TJP2: variants seen among roughly 807,000 people sequenced by gnomAD.
TJP2 encodes the protein Friedreich ataxia region gene X104 (tight junction protein ZO-2).
A neutral mutation model predicts 133.1 loss-of-function variants in TJP2; 91 were observed. The observed-to-expected ratio is 0.68, with a 90% CI of 0.58 to 0.81. The LOEUF is 0.81. Among genes scored for constraint, TJP2 ranks in the 40% least tolerant of loss-of-function variants. The pLI is 0.00. For synonymous variants in TJP2, 592 were observed against 583.4 expected (o/e 1.01, Z -0.21); for missense variants, 1,541 against 1,565.6 (o/e 0.98, Z 0.26).
intron 1 of TJP2, among the ~76,000 whole-genome samples, chr9:69,205,814 T>C (rs916211057): frequency 6.6e-6 from 1 of 152,194 alleles, no homozygotes; most frequent in Non-Finnish European, 1.5e-5. Context: ...GCAGCAGCAG[T>C]CTGTGGATAC....
upstream of TJP2, among the ~76,000 whole-genome samples, chr9:69,170,364 G>A (rs1011707737): frequency 6.6e-6 from 1 of 151,106 alleles, no homozygotes; most frequent in Non-Finnish European, 1.5e-5. Context: ...GTGTTTTTTT[G>A]TTGATAATTA....
chr9:69,218,168 T>G, intron 3 of TJP2, 89 bp from the exon 4 acceptor site: 1 of 1,113,842 alleles, frequency 9.0e-7, no homozygotes, highest in Non-Finnish European at 1.4e-6. Context: ...CTTTCAGGTC[T>G]ATTTGCTGCT....
chr9:69,153,012 C>T (rs1456726335), intron 2 of TJP2, among the ~76,000 whole-genome samples: 1 of 150,972 alleles, frequency 6.6e-6, no homozygotes, highest in Non-Finnish European at 1.5e-5. Context: ...TCGCTTGAGG[C>T]CAAGAGTTTG....
Position 69,254,671 on chromosome 9 carries a change from A to G in TJP2, c.*297A>G, listed in dbSNP as rs1232657892. 6.8e-6 allele frequency: 4 copies of G among 591,946 alleles called. No individual in the cohort carries two copies. Among genetic ancestry groups the G allele is most frequent in the Non-Finnish European group, 1.2e-5 (4 of 331,736 alleles). The allele number at this position is 591,946 out of a possible 1,614,324, so 36.7% of individuals were successfully genotyped here. A position where few individuals can be genotyped will look rare whatever the true frequency, so the allele number is the denominator to read the frequency against. On this transcript the variant is annotated 3_prime_UTR_variant, in exon 23 of 23. Coordinates refer to ENST00000377245, the MANE Select transcript of TJP2 (RefSeq NM_004817.4). ...ACCGAAATCTGTATTCTGTTTGCGT[A>G]CTTGTAATATGTATATTAAGAAGCA...
chr9:69,135,225 CT>C (rs144439116), intron 1 of TJP2, among the ~76,000 whole-genome samples: 4,347 of 152,218 alleles, frequency 0.029, 215 homozygotes, highest in African/African-American at 0.098. Flanking sequence ...GGCTGGCACT[CT>C]TAATAGCTCT....
At chr9:69,137,314 CTTTTCTTTTCTTTTCTT>C (rs1564372853) in intron 1 of TJP2, among the ~76,000 whole-genome samples, 1 of 100,650 alleles carries the variant, frequency 9.9e-6, no homozygotes, top group Non-Finnish European at 2.1e-5. Flanking sequence ...CTTTTCTTTT[CTTTTCTTTTCTTTTCTT>C]TTTTTTTTTT....
intron 1 of TJP2, among the ~76,000 whole-genome samples, chr9:69,198,786 G>T (rs1826781228): frequency 6.6e-6 from 1 of 152,208 alleles, no homozygotes; most frequent in Non-Finnish European, 1.5e-5. Flanking sequence ...AATACTTGTG[G>T]AATAAACGAT....
chr9:69,171,968 G>A (rs1824710100), upstream of TJP2, among the ~76,000 whole-genome samples: 1 of 151,752 alleles, frequency 6.6e-6, no homozygotes, highest in Non-Finnish European at 1.5e-5. Context: ...GCTAATTTTT[G>A]TTATTTTTAG....
chr9:69,205,059 T>G (rs1363067129), intron 1 of TJP2: 42 of 1,460,100 alleles, frequency 2.9e-5, no homozygotes, highest in Non-Finnish European at 3.4e-5. Flanking sequence ...GCTGGAAATG[T>G]GGGCCACTAT....
At position 69,248,539 on chromosome 9, in the gene TJP2, T is replaced by C. The variant is rs1041216496; in HGVS notation, c.2880+315T>C. On this transcript the variant is annotated intron_variant, in intron 19 of 22. Coordinates refer to ENST00000377245, the MANE Select transcript of TJP2 (RefSeq NM_004817.4). Reference sequence around the variant, plus strand: ...CAGCGGAACCTTCCTTCCCATGCAGTATTGTTGTATGTACTTGTAACCTTT... The same window carrying C: ...CAGCGGAACCTTCCTTCCCATGCAGCATTGTTGTATGTACTTGTAACCTTT... 60 of 1,273,568 alleles carry C rather than the reference T, an allele frequency of 4.7e-5. No individual in the cohort carries two copies. The East Asian group carries it at 1.7e-3, about 36-fold the overall frequency. The allele number at this position is 1,273,568 out of a possible 1,614,324, so 78.9% of individuals were successfully genotyped here. A position where few individuals can be genotyped will look rare whatever the true frequency, so the allele number is the denominator to read the frequency against.
At chr9:69,209,881 T>TA (rs1827736842) in intron 1 of TJP2, among the ~76,000 whole-genome samples, 1 of 152,188 alleles carries the variant, frequency 6.6e-6, no homozygotes, top group Non-Finnish European at 1.5e-5. Flanking sequence ...GAGGTATGGC[T>TA]ATAGAGCACA....
chr9:69,226,233 A>G lies in TJP2; in HGVS notation c.1210+58A>G, dbSNP rs1829339537. The G allele has an allele frequency of 5.7e-6, 9 of 1,580,622 alleles. No homozygotes were observed. In the East Asian group the frequency reaches 1.6e-4, roughly 28 times the overall value. The stretch of plus-strand genomic sequence containing the variant: ...AAGTAAGGAAGGCTGTTGCTTCCCC[A>G]TTCTTCTATTTAGTGTAGCTATCCA... On this transcript the variant is annotated intron_variant, in intron 7 of 22. Coordinates refer to ENST00000377245, the MANE Select transcript of TJP2 (RefSeq NM_004817.4).
At chr9:69,149,807 C>A (rs988121913) in intron 1 of TJP2, among the ~76,000 whole-genome samples, 1 of 152,124 alleles carries the variant, frequency 6.6e-6, no homozygotes, top group Non-Finnish European at 1.5e-5. Context: ...AGGGGTAAAA[C>A]GAGAAAGTAT....
At chr9:69,136,852 C>T (rs1014307664) in intron 1 of TJP2, among the ~76,000 whole-genome samples, 3 of 152,128 alleles carry the variant, frequency 2.0e-5, no homozygotes, top group African/African-American at 7.2e-5. Context: ...ATGAACTCCA[C>T]ATTTGGATTC....
chr9:69,202,587 T>G (rs905555790), intron 1 of TJP2, among the ~76,000 whole-genome samples: 1 of 152,228 alleles, frequency 6.6e-6, no homozygotes, highest in Admixed American at 6.5e-5. Context: ...ATGCTATATG[T>G]ATTATATACT....
Position 69,201,812 on chromosome 9 carries a change from C to T in TJP2, c.61-10736C>T, listed in dbSNP as rs140062974. Among the ~76,000 whole-genome samples, 4 of 152,270 alleles carry T rather than the reference C, an allele frequency of 2.6e-5. No individual in the cohort carries two copies. The East Asian group carries it at 7.7e-4, about 29-fold the overall frequency. The stretch of plus-strand genomic sequence containing the variant: ...GAACTTCTGACATACGCCGCCACCA[C>T]GTAGACGAACCTTGAGGACATTATG... On this transcript the variant is annotated intron_variant, in intron 1 of 22. Coordinates refer to ENST00000377245, the MANE Select transcript of TJP2 (RefSeq NM_004817.4).
chr9:69,145,817 T>G, intron 1 of TJP2: 1 of 1,231,870 alleles, frequency 8.1e-7, no homozygotes, highest in Non-Finnish European at 1.0e-6. Flanking sequence ...GGCAACAACC[T>G]GGGTAAGCAG....
In TJP2 at chr9:69,230,163, T is replaced by G. The variant is rs913689505; in HGVS notation, c.1602T>G (p.Phe534Leu). ...RLAGGNDVGI[F>L]VAGIQEGTSA... ...CTGGTGGCAATGATGTCGGGATATT[T>G]GTTGCTGGCATTCAAGAAGGGACCT... Residue 534 changes from phenylalanine to leucine, a missense_variant, in exon 11 of 23, where the codon TTT becomes TTG. Coordinates refer to ENST00000377245, the MANE Select transcript of TJP2 (RefSeq NM_004817.4). 1.2e-6 allele frequency: 2 copies of G among 1,614,168 alleles called. No homozygotes were observed. Among genetic ancestry groups the G allele is most frequent in the Non-Finnish European group, 1.7e-6 (2 of 1,180,030 alleles).
chr9:69,250,888 G>C, intron 20 of TJP2, 147 bp from the exon 21 acceptor site: 1 of 878,844 alleles, frequency 1.1e-6, no homozygotes, highest in South Asian at 1.4e-5. Flanking sequence ...GTGGCTGTTT[G>C]CCCTGCTGTA....
Sources: allele counts gnomAD v4.1 joint callset (sites outside exome capture counted in the v4.1 genomes callset), GRCh38; gene constraint gnomAD v4.1.1; transcripts MANE v1.5; gene names NCBI Gene and HGNC (gene_info 2026-07-23, HGNC 2026-07-21).